The following PDZD2 variants were observed in gnomAD, a reference collection of about 807,000 sequenced individuals.
PDZD2 encodes PDZ domain-containing protein 2.
In PDZD2, 90 loss-of-function variants were observed where a neutral mutation model predicts 220.7. The ratio of observed to expected loss-of-function variants is 0.41; its 90% CI spans 0.34 to 0.49. The LOEUF (loss-of-function observed/expected upper bound fraction) is 0.49, where lower values mean the gene tolerates loss of function less well. Ranked by LOEUF, PDZD2 falls within the 20% of genes least tolerant of loss-of-function variation. PDZD2 has a pLI of 0.28. For synonymous variants in PDZD2, 1,375 were observed against 1,450.5 expected (o/e 0.95, Z 1.18); for missense variants, 3,174 against 3,608.5 (o/e 0.88, Z 3.08).
intron 7 of PDZD2, among the ~76,000 whole-genome samples, chr5:32,047,824 G>A (rs902304216): frequency 1.1e-4 from 16 of 152,232 alleles, no homozygotes; most frequent in Admixed American, 2.0e-4. Flanking sequence ...ATGCAATACC[G>A]TGGTTGAATC....
At chr5:31,895,494 C>G (rs547715686) in intron 2 of PDZD2, among the ~76,000 whole-genome samples, 54 of 152,322 alleles carry the variant, frequency 3.5e-4, no homozygotes, top group African/African-American at 1.3e-3. Flanking sequence ...GTGAGAAATA[C>G]ATTTCTACTG....
intron 19 of PDZD2, among the ~76,000 whole-genome samples, chr5:32,081,283 A>G (rs1197153093): frequency 6.6e-6 from 1 of 152,138 alleles, no homozygotes; most frequent in Non-Finnish European, 1.5e-5. Flanking sequence ...TCCCATAGAT[A>G]ATGAGCCTTG....
intron 1 of PDZD2, among the ~76,000 whole-genome samples, chr5:31,705,112 G>C (rs192427453): frequency 1.5e-4 from 23 of 152,142 alleles, no homozygotes; most frequent in African/African-American, 4.8e-4. Context: ...AGTGAGCCGA[G>C]ACTGTGCCAC....
intron 3 of PDZD2, 146 bp from the exon 4 acceptor site, chr5:31,995,430 T>C (rs948337645): frequency 1.3e-5 from 10 of 796,698 alleles, no homozygotes; most frequent in Admixed American, 4.6e-5. Context: ...TTGGGTCCAA[T>C]CGGCAGAATT....
chr5:31,759,796 C>T (rs978349699), intron 1 of PDZD2, among the ~76,000 whole-genome samples: 3 of 152,116 alleles, frequency 2.0e-5, no homozygotes, highest in African/African-American at 4.8e-5. Flanking sequence ...CCTCTCACCT[C>T]GGCCTCCCAA....
intron 2 of PDZD2, among the ~76,000 whole-genome samples, chr5:31,974,230 C>A (rs1749552878): frequency 6.6e-6 from 1 of 152,162 alleles, no homozygotes; most frequent in South Asian, 2.1e-4. Context: ...ATCTGCCCAC[C>A]TTGGCCTCCA....
intron 2 of PDZD2, among the ~76,000 whole-genome samples, chr5:31,822,308 A>G (rs1407737596): frequency 2.6e-5 from 3 of 117,238 alleles, no homozygotes. Flanking sequence ...AGAGCGTCTC[A>G]CTTTGTCACC....
intron 21 of PDZD2, among the ~76,000 whole-genome samples, chr5:32,096,624 A>G (rs182017175): frequency 2.6e-3 from 394 of 151,884 alleles, no homozygotes; most frequent in Admixed American, 5.6e-3. Context: ...TAGCCATGCT[A>G]TTTTTTTGGC....
At chr5:31,815,245 C>CAAAAAAAAAAAAAAAAAAAAA (rs59040987) in intron 2 of PDZD2, among the ~76,000 whole-genome samples, 17 of 57,936 alleles carry the variant, frequency 2.9e-4, no homozygotes, top group African/African-American at 1.1e-3. Context: ...AACTCTGTCT[C>CAAAAAAAAAAAAAAAAAAAAA]AAAAAAAAAA....
At chr5:31,844,426 G>A (rs1231279442) in intron 2 of PDZD2, among the ~76,000 whole-genome samples, 1 of 152,142 alleles carries the variant, frequency 6.6e-6, no homozygotes, top group Non-Finnish European at 1.5e-5. Flanking sequence ...CAAGCTTCTC[G>A]ATTTTTAACA....
rs1272905701 is a variant in PDZD2 at position 32,097,363 on chromosome 5, G to C, written c.7930G>C (p.Glu2644Gln). 1.9e-6 allele frequency: 3 copies of C among 1,608,524 alleles called. No individual in the cohort carries two copies. Among genetic ancestry groups the C allele is most frequent in the Non-Finnish European group, 2.6e-6 (3 of 1,174,898 alleles). Residue 2644 changes from glutamate to glutamine, a missense_variant, in exon 22 of 25, where the codon GAG becomes CAG. Around this residue, in one of 4 missense-constraint regions of PDZD2, gnomAD observed 631 missense variants for 789.9 expected, o/e 0.80. Transcript: ENST00000438447. ...GFSVAGGTDV[E>Q]PKSITVHRVF... ...CAGTGTGGCAGGAGGGACAGATGTG[G>C]AGCCAAAATCAATCACGGTAAGTGA...
chr5:31,740,021 G>T (rs555207494), intron 1 of PDZD2, among the ~76,000 whole-genome samples: 26 of 152,062 alleles, frequency 1.7e-4, no homozygotes, highest in Non-Finnish European at 3.4e-4. Context: ...CAAATGCCTG[G>T]AACATCCCAA....
At chr5:31,720,445 G>A (rs1748721709) in intron 1 of PDZD2, among the ~76,000 whole-genome samples, 1 of 152,142 alleles carries the variant, frequency 6.6e-6, no homozygotes, top group Non-Finnish European at 1.5e-5. Context: ...GATGATATAG[G>A]GAAACTTCCC....
intron 1 of PDZD2, among the ~76,000 whole-genome samples, chr5:31,726,720 T>C (rs1348489786): frequency 2.6e-5 from 4 of 152,106 alleles, no homozygotes. Flanking sequence ...GACCATCCTA[T>C]TTGAGGCTTT....
At chr5:31,696,847 C>G (rs994656085) in intron 1 of PDZD2, among the ~76,000 whole-genome samples, 1 of 152,142 alleles carries the variant, frequency 6.6e-6, no homozygotes, top group African/African-American at 2.4e-5. Flanking sequence ...GAATGAGCCT[C>G]CATCCTATGT....
intron 21 of PDZD2, among the ~76,000 whole-genome samples, chr5:32,095,866 G>A (rs377103451): frequency 2.7e-5 from 4 of 149,524 alleles, no homozygotes; most frequent in Admixed American, 1.3e-4. Flanking sequence ...TCAGCCTCCC[G>A]AGTAGCTGGG....
intron 2 of PDZD2, among the ~76,000 whole-genome samples, chr5:31,852,045 C>T (rs1301091750): frequency 2.0e-5 from 3 of 152,064 alleles, no homozygotes; most frequent in African/African-American, 4.8e-5. Context: ...TCAGTAGAGA[C>T]GGGGTTTCAC....
At chr5:32,027,393 A>G (rs1754754524) in intron 6 of PDZD2, among the ~76,000 whole-genome samples, 2 of 152,256 alleles carry the variant, frequency 1.3e-5, no homozygotes, top group Non-Finnish European at 2.9e-5. Context: ...ACGCATAAAA[A>G]TAATCACTCT....
intron 2 of PDZD2, among the ~76,000 whole-genome samples, chr5:31,871,418 A>G (rs750511956): frequency 6.6e-6 from 1 of 152,126 alleles, no homozygotes; most frequent in Non-Finnish European, 1.5e-5. Context: ...GTCATCTTGA[A>G]TCATTGCTTC....
Sources: gnomAD v4.1 joint callset for allele counts (sites outside exome capture counted in the v4.1 genomes callset) on GRCh38, gnomAD v4.1.1 for gene constraint, gnomAD v4.1.1 regional missense constraint, MANE v1.5 for transcripts, NCBI Gene and HGNC (gene_info 2026-07-23, HGNC 2026-07-21) for gene names.